Variants in HEMK2 observed in about 807,000 individuals in gnomAD.
HEMK2 encodes methyltransferase HEMK2.
chr21:28,617,867 C>A, the HEMK2 span, among the ~76,000 whole-genome samples: 1 of 151,776 alleles, frequency 6.6e-6, no homozygotes, highest in Non-Finnish European at 1.5e-5. Flanking sequence ...TGGCTTACTG[C>A]AGCCTCGACT....
At chr21:28,711,043 T>A in the HEMK2 span, among the ~76,000 whole-genome samples, 2 of 152,182 alleles carry the variant, frequency 1.3e-5, no homozygotes, top group Non-Finnish European at 2.9e-5. Context: ...ACTTTACTTC[T>A]TCTACATCTA....
chr21:28,786,717 CT>C, the HEMK2 span, among the ~76,000 whole-genome samples: 53 of 151,594 alleles, frequency 3.5e-4, no homozygotes, highest in Non-Finnish European at 5.3e-4. Context: ...GAGATGTTCT[CT>C]GTTGCCAGAT....
chr21:28,881,123 A>G, the HEMK2 span, among the ~76,000 whole-genome samples: 2 of 152,190 alleles, frequency 1.3e-5, no homozygotes, highest in Non-Finnish European at 2.9e-5. Context: ...CCACTTGAAA[A>G]TGTGTGCTGT....
At chr21:28,771,523 C>T in the HEMK2 span, among the ~76,000 whole-genome samples, 11 of 106,246 alleles carry the variant, frequency 1.0e-4, 1 homozygote, top group South Asian at 2.1e-3. Context: ...GCACCACCCC[C>T]CCCCGCCAAA....
the HEMK2 span, among the ~76,000 whole-genome samples, chr21:28,619,116 CATCTACATG>C: frequency 6.6e-6 from 1 of 152,080 alleles, no homozygotes; most frequent in Non-Finnish European, 1.5e-5. Context: ...AGAAGACGGC[CATCTACATG>C]CCAAGGAGAG....
chr21:28,719,404 C>T, the HEMK2 span, among the ~76,000 whole-genome samples: 2 of 152,146 alleles, frequency 1.3e-5, no homozygotes, highest in Non-Finnish European at 2.9e-5. Context: ...GTGAATAAGT[C>T]TCACAAGATC....
the HEMK2 span, among the ~76,000 whole-genome samples, chr21:28,754,373 A>G: frequency 6.6e-6 from 1 of 152,224 alleles, no homozygotes; most frequent in African/African-American, 2.4e-5. Context: ...TGCCTTGTAA[A>G]TGTCAGTGTG....
At chr21:28,821,432 T>C in the HEMK2 span, among the ~76,000 whole-genome samples, 7 of 152,206 alleles carry the variant, frequency 4.6e-5, no homozygotes, top group Non-Finnish European at 7.3e-5. Flanking sequence ...AGTTGACCTA[T>C]GTGAAAGAAA....
chr21:28,698,594 A>T, the HEMK2 span, among the ~76,000 whole-genome samples: 4 of 152,210 alleles, frequency 2.6e-5, no homozygotes, highest in African/African-American at 9.6e-5. Flanking sequence ...TGTAACTAAT[A>T]CAGTAAAACC....
chr21:28,772,950 A>G, the HEMK2 span, among the ~76,000 whole-genome samples: 1 of 152,218 alleles, frequency 6.6e-6, no homozygotes, highest in African/African-American at 2.4e-5. Context: ...TGGAATTAGC[A>G]TCCAATAACG....
At chr21:28,756,855 G>A in the HEMK2 span, among the ~76,000 whole-genome samples, 2,843 of 152,292 alleles carry the variant, frequency 0.019, 38 homozygotes, top group African/African-American at 0.03. Context: ...TCTAGACAAT[G>A]TTCTGACTTA....
the HEMK2 span, chr21:28,674,830 T>C: frequency 6.6e-6 from 1 of 152,232 alleles, no homozygotes; most frequent in African/African-American, 2.4e-5. Context: ...TGGTGCTTTC[T>C]CTGTGTCCTC....
At chr21:28,801,710 G>T in the HEMK2 span, among the ~76,000 whole-genome samples, 2 of 152,204 alleles carry the variant, frequency 1.3e-5, no homozygotes, top group East Asian at 1.9e-4. Flanking sequence ...ATAAGATTAG[G>T]TTAAATCATA....
chr21:28,776,921 C>A, the HEMK2 span, among the ~76,000 whole-genome samples: 1 of 152,174 alleles, frequency 6.6e-6, no homozygotes, highest in Admixed American at 6.5e-5. Flanking sequence ...CCTGCCTCTC[C>A]CAGGCCACTG....
chr21:28,616,413 T>G, the HEMK2 span, among the ~76,000 whole-genome samples: 1 of 152,310 alleles, frequency 6.6e-6, no homozygotes, highest in South Asian at 2.1e-4. Context: ...GTGCCTAAAA[T>G]GTATGAGCTA....
At chr21:28,580,670 T>C in the HEMK2 span, among the ~76,000 whole-genome samples, 1 of 152,112 alleles carries the variant, frequency 6.6e-6, no homozygotes, top group South Asian at 2.1e-4. Flanking sequence ...AAAATATCAC[T>C]GAAATTCACT....
the HEMK2 span, among the ~76,000 whole-genome samples, chr21:28,679,651 C>T: frequency 6.6e-6 from 1 of 152,088 alleles, no homozygotes; most frequent in South Asian, 2.1e-4. Flanking sequence ...TAGTTGGAAG[C>T]AAAGCACTCC....
chr21:28,606,095 C>G, the HEMK2 span, among the ~76,000 whole-genome samples: 1 of 152,062 alleles, frequency 6.6e-6, no homozygotes, highest in Non-Finnish European at 1.5e-5. Context: ...TTGGCAGTAC[C>G]AGTTGGAATA....
the HEMK2 span, among the ~76,000 whole-genome samples, chr21:28,800,797 T>C: frequency 6.6e-6 from 1 of 152,218 alleles, no homozygotes. Flanking sequence ...CCAATTTTCA[T>C]TGATTTCAAG....
Sources: allele counts gnomAD v4.1 joint callset (sites outside exome capture counted in the v4.1 genomes callset), GRCh38; gene constraint gnomAD v4.1.1; transcripts MANE v1.5; gene names NCBI Gene and HGNC (gene_info 2026-07-23, HGNC 2026-07-21).